The following CLDN16 variants were observed in gnomAD, a reference collection of about 807,000 sequenced individuals.
The protein encoded by CLDN16 is claudin-16.
CLDN16 carries 13 observed loss-of-function variants against 24.6 expected under a neutral mutation model. The observed-to-expected ratio is 0.53, with a 90% CI of 0.34 to 0.84. CLDN16 has a LOEUF of 0.84. Ranked by LOEUF, CLDN16 falls within the 40% of genes least tolerant of loss-of-function variation. The pLI, the probability that CLDN16 is intolerant of heterozygous loss-of-function variation, is 0.01. For synonymous variants in CLDN16, 116 were observed against 106.7 expected, an observed-to-expected ratio of 1.09 and a Z score of -0.54; for missense variants, 298 against 292.7, an observed-to-expected ratio of 1.02 and a Z score of -0.13.
the CLDN16 span, among the ~76,000 whole-genome samples, chr3:190,292,073 T>G: frequency 2.0e-5 from 3 of 152,138 alleles, no homozygotes; most frequent in African/African-American, 7.2e-5. Context: ...ATAGCTCCAT[T>G]AGGCAGTGAC....
At chr3:190,313,930 T>C in the CLDN16 span, among the ~76,000 whole-genome samples, 338 of 152,330 alleles carry the variant, frequency 2.2e-3, 2 homozygotes, top group African/African-American at 7.4e-3. Context: ...GATTTTTAAA[T>C]ATGAACTGAA....
intron 4 of CLDN16, 70 bp from the exon 5 acceptor site, chr3:190,409,833 T>C (rs1011701514): frequency 2.1e-6 from 3 of 1,428,162 alleles, no homozygotes; most frequent in African/African-American, 2.8e-5. Context: ...AGGAAGAACA[T>C]ATAAAATGGT....
chr3:190,307,816 C>G, the CLDN16 span: 1 of 155,912 alleles, frequency 6.4e-6, no homozygotes, highest in Non-Finnish European at 1.4e-5. Flanking sequence ...TTGACTGTTA[C>G]ATATGTATAT....
At chr3:190,314,460 T>C in the CLDN16 span, among the ~76,000 whole-genome samples, 1 of 152,274 alleles carries the variant, frequency 6.6e-6, no homozygotes, top group East Asian at 1.9e-4. Flanking sequence ...AGTGGTGCGA[T>C]ATGGGCTCAC....
intron 1 of CLDN16, among the ~76,000 whole-genome samples, chr3:190,401,096 A>G (rs1400626990): frequency 5.9e-5 from 9 of 152,204 alleles, no homozygotes; most frequent in African/African-American, 2.2e-4. Flanking sequence ...ATTATTACCA[A>G]CTATAAGTAT....
the CLDN16 span, among the ~76,000 whole-genome samples, chr3:190,292,463 G>A: frequency 5.9e-5 from 9 of 152,208 alleles, no homozygotes; most frequent in African/African-American, 2.2e-4. Flanking sequence ...CTGGGCCTAT[G>A]ATGGAAAGGG....
intron 1 of CLDN16, among the ~76,000 whole-genome samples, chr3:190,360,332 A>G (rs1301695292): frequency 1.3e-5 from 2 of 151,932 alleles, no homozygotes; most frequent in Admixed American, 6.6e-5. Context: ...TAGGTGGGAG[A>G]GAAACTAGTA....
chr3:190,334,236 G>A (rs1441544512), intron 1 of CLDN16, among the ~76,000 whole-genome samples: 1 of 152,220 alleles, frequency 6.6e-6, no homozygotes, highest in Admixed American at 6.5e-5. Flanking sequence ...AGCACAATGA[G>A]GGAAGTTGTA....
Position 190,411,730 on chromosome 3 carries a change from A to G in CLDN16, c.*1694A>G, listed in dbSNP as rs2108522821. Reference sequence around the variant, plus strand: ...TATCTTTAACAGTATTCTCTGAAGCAGTTCCAATCTAGTTGGAGAATTAAC... The same window carrying G: ...TATCTTTAACAGTATTCTCTGAAGCGGTTCCAATCTAGTTGGAGAATTAAC... On this transcript the variant is annotated 3_prime_UTR_variant, in exon 5 of 5. Coordinates refer to ENST00000264734, the MANE Select transcript of CLDN16 (RefSeq NM_006580.4). The G allele has an allele frequency of 6.6e-6, 1 of 152,326 alleles. No individual in the cohort carries two copies. Among genetic ancestry groups the G allele is most frequent in the Middle Eastern group, 3.4e-3 (1 of 294 alleles). 9.4% of individuals were successfully genotyped at this position (152,326 alleles called of 1,614,324 possible). A position where few individuals can be genotyped will look rare whatever the true frequency, so the allele number is the denominator to read the frequency against.
upstream of CLDN16, among the ~76,000 whole-genome samples, chr3:190,318,894 G>A (rs1298940963): frequency 2.6e-5 from 4 of 152,150 alleles, no homozygotes; most frequent in Non-Finnish European, 5.9e-5. Context: ...TACTCATTAA[G>A]CACACCTACA....
upstream of CLDN16, among the ~76,000 whole-genome samples, chr3:190,317,995 C>T (rs552288001): frequency 4.6e-5 from 7 of 152,178 alleles, no homozygotes; most frequent in Non-Finnish European, 7.4e-5. Context: ...TTCTCCCCTG[C>T]AATTAAATGA....
intron 1 of CLDN16, among the ~76,000 whole-genome samples, chr3:190,390,302 C>T (rs1032209513): frequency 6.7e-6 from 1 of 150,108 alleles, no homozygotes; most frequent in African/African-American, 2.4e-5. Context: ...TTTGGAAGGC[C>T]GAGGCGGGCA....
At chr3:190,308,688 T>C in the CLDN16 span, among the ~76,000 whole-genome samples, 1 of 152,142 alleles carries the variant, frequency 6.6e-6, no homozygotes, top group Non-Finnish European at 1.5e-5. Context: ...CACAAATAAT[T>C]CCAAGGACTT....
chr3:190,304,952 A>T, the CLDN16 span, among the ~76,000 whole-genome samples: 1 of 152,236 alleles, frequency 6.6e-6, no homozygotes, highest in Non-Finnish European at 1.5e-5. Context: ...ATGATTCACA[A>T]TCCAAGTTTT....
chr3:190,402,791 C>T (rs890163589), intron 2 of CLDN16, among the ~76,000 whole-genome samples: 2 of 151,878 alleles, frequency 1.3e-5, no homozygotes, highest in Non-Finnish European at 2.9e-5. Context: ...TTAAACTGGA[C>T]GGGTTAGGGG....
chr3:190,386,196 A>T (rs1462974041), upstream of CLDN16, among the ~76,000 whole-genome samples: 1 of 152,192 alleles, frequency 6.6e-6, no homozygotes, highest in East Asian at 1.9e-4. Flanking sequence ...ACAGGGAAAG[A>T]TTCTCTGTGA....
At chr3:190,329,371 G>A (rs567525964) in intron 1 of CLDN16, among the ~76,000 whole-genome samples, 2 of 152,210 alleles carry the variant, frequency 1.3e-5, no homozygotes, top group Non-Finnish European at 1.5e-5. Flanking sequence ...ATCACAGGAC[G>A]GAGACATTAC....
chr3:190,310,253 C>T, the CLDN16 span: 5 of 1,612,356 alleles, frequency 3.1e-6, no homozygotes, highest in African/African-American at 2.7e-5. Flanking sequence ...AATAGCCAGA[C>T]CTATAGAAAT....
chr3:190,322,395 T>C, upstream of CLDN16: 1 of 628,822 alleles, frequency 1.6e-6, no homozygotes, highest in South Asian at 1.8e-5. Flanking sequence ...GGGGCGGCGC[T>C]GGAGTCTGGA....
Sources: gnomAD v4.1 joint callset for allele counts (sites outside exome capture counted in the v4.1 genomes callset) on GRCh38, gnomAD v4.1.1 for gene constraint, MANE v1.5 for transcripts, NCBI Gene and HGNC (gene_info 2026-07-23, HGNC 2026-07-21) for gene names.